Variants in SLC28A3 observed in about 807,000 individuals in gnomAD.
SLC28A3 encodes solute carrier family 28 member 3, also known as concentrative Na(+)-nucleoside cotransporter 3.
In SLC28A3, 68 loss-of-function variants were observed where a neutral mutation model predicts 84.2. The observed-to-expected ratio is 0.81, with a 90% confidence interval of 0.66 to 0.99. The LOEUF (loss-of-function observed/expected upper bound fraction) is 0.99. Ranked by LOEUF, SLC28A3 falls within the 50% of genes least tolerant of loss-of-function variation. The pLI is 0.00. For synonymous variants in SLC28A3, 267 were observed against 303.6 expected (o/e 0.88, Z 1.25); for missense variants, 712 against 841.5 (o/e 0.85, Z 1.90).
At chr9:84,348,776 C>T in the SLC28A3 span, among the ~76,000 whole-genome samples, 2 of 152,316 alleles carry the variant, frequency 1.3e-5, no homozygotes, top group African/African-American at 2.4e-5. Context: ...TGAGTTTCTC[C>T]TGAATTTCTG....
At chr9:84,307,318 C>T (rs901032549) in intron 3 of SLC28A3, among the ~76,000 whole-genome samples, 1 of 151,170 alleles carries the variant, frequency 6.6e-6, no homozygotes, top group Non-Finnish European at 1.5e-5. Context: ...GTAATCCCAG[C>T]TACTCGGGAG....
intron 8 of SLC28A3, among the ~76,000 whole-genome samples, chr9:84,295,776 C>T (rs1825392209): frequency 6.6e-6 from 1 of 152,150 alleles, no homozygotes; most frequent in African/African-American, 2.4e-5. Context: ...TGTACCCCCT[C>T]CCTACTGTTC....
intron 10 of SLC28A3, among the ~76,000 whole-genome samples, chr9:84,292,025 C>T (rs1825243333): frequency 6.6e-6 from 1 of 152,142 alleles, no homozygotes; most frequent in Admixed American, 6.5e-5. Context: ...AGTCTAAAAG[C>T]TTATTTTTGA....
intron 3 of SLC28A3, 98 bp from the exon 4 acceptor site, chr9:84,305,443 C>A: frequency 1.1e-6 from 1 of 937,618 alleles, no homozygotes; most frequent in Non-Finnish European, 1.7e-6. Context: ...ACTAAGAAGG[C>A]AAACAAACAC....
intron 14 of SLC28A3, among the ~76,000 whole-genome samples, chr9:84,283,408 T>A (rs1179959116): frequency 6.6e-6 from 1 of 152,222 alleles, no homozygotes; most frequent in Non-Finnish European, 1.5e-5. Flanking sequence ...CTGGTTAAGA[T>A]GAATTACGGT....
In SLC28A3 at chr9:84,299,595, T is replaced by C; in HGVS notation, c.655A>G (p.Lys219Glu). 1 of 1,613,720 alleles carries C rather than the reference T, an allele frequency of 6.2e-7. No homozygotes were observed. The highest frequency in any genetic ancestry group is 8.5e-7 in the Non-Finnish European group (1 of 1,179,906). Residue 219 changes from lysine (K) to glutamate (E), a missense_variant, in exon 6 of 18, where the codon AAG becomes GAG. Transcript: ENST00000376238. The stretch of plus-strand genomic sequence containing the variant: ...TGGATACTTACTCTGGTTGGGTACT[T>C]GGAAAATAGAAATAACAGGACAATG... Reference protein sequence around the residue: ...MYIVLLFLFSKYPTRVYWRPV... With the variant: ...MYIVLLFLFSEYPTRVYWRPV...
At chr9:84,307,335 G>T (rs1354173260) in intron 3 of SLC28A3, among the ~76,000 whole-genome samples, 1 of 151,190 alleles carries the variant, frequency 6.6e-6, no homozygotes, top group Non-Finnish European at 1.5e-5. Flanking sequence ...GGAGGCTAAG[G>T]CAGGAGAATC....
intron 1 of SLC28A3, among the ~76,000 whole-genome samples, chr9:84,319,627 C>A (rs1022126640): frequency 1.3e-5 from 2 of 152,166 alleles, no homozygotes; most frequent in African/African-American, 4.8e-5. Flanking sequence ...GCTTTTGATA[C>A]TTGTGTTGAT....
intron 8 of SLC28A3, among the ~76,000 whole-genome samples, chr9:84,295,475 C>G (rs1445571319): frequency 1.3e-5 from 2 of 152,096 alleles, no homozygotes; most frequent in African/African-American, 4.8e-5. Flanking sequence ...ATCCCAACTA[C>G]TGGGGAGGCT....
chr9:84,311,247 C>A (rs1825978040), intron 2 of SLC28A3, among the ~76,000 whole-genome samples: 3 of 152,048 alleles, frequency 2.0e-5, no homozygotes. Flanking sequence ...TGAAAAATAT[C>A]TAAATTTTTG....
At chr9:84,280,110 T>C in intron 15 of SLC28A3, 37 bp from the exon 16 acceptor site, 1 of 1,591,732 alleles carries the variant, frequency 6.3e-7, no homozygotes, top group Non-Finnish European at 8.6e-7. Flanking sequence ...AGATCAATGT[T>C]GAAGTACTGA....
the SLC28A3 span, among the ~76,000 whole-genome samples, chr9:84,353,438 A>G: frequency 6.6e-6 from 1 of 152,170 alleles, no homozygotes; most frequent in African/African-American, 2.4e-5. Context: ...GGCTGGGCAC[A>G]CTGGCTCACT....
In SLC28A3 at chr9:84,283,725, CTT is replaced by C. The variant is rs949075553; in HGVS notation, c.1647+1618_1647+1619del. Among the ~76,000 whole-genome samples the C allele has an allele frequency of 4.6e-5, 7 of 152,312 alleles. No individual in the cohort carries two copies. The Middle Eastern group carries it at 0.014, about 296-fold the overall frequency. ...ATGGGGGCTGCATAGTACTCTCCCT[CTT>C]ATCTCAGATGGAGGTTGGCATGGGC... On this transcript the variant is annotated intron_variant, in intron 14 of 17. Coordinates refer to ENST00000376238, the MANE Select transcript of SLC28A3 (RefSeq NM_001199633.2).
intron 1 of SLC28A3, among the ~76,000 whole-genome samples, chr9:84,329,768 G>A (rs1373398713): frequency 6.6e-6 from 1 of 152,050 alleles, no homozygotes; most frequent in Non-Finnish European, 1.5e-5. Context: ...GCACAGTGAT[G>A]CATGCCTGTA....
intron 1 of SLC28A3, among the ~76,000 whole-genome samples, chr9:84,338,793 G>C (rs1368340179): frequency 6.6e-6 from 1 of 152,030 alleles, no homozygotes; most frequent in Non-Finnish European, 1.5e-5. Flanking sequence ...CCCTCACTTA[G>C]CCCTTAGAGA....
rs200370836 is a variant in SLC28A3, at chr9:84,297,289, C to A, written c.793G>T (p.Glu265Ter). ...AATGAAGCACCAGCATCTGTGTACT[C>A]CAGAAAAGTCTGAGTTAAAGAAAGA... The part of the protein sequence containing the change: ...WLGRQVQTFL[E>*]YTDAGASFVF... The change falls in exon 8 of 18, where the codon GAG becomes TAG. Residue 265 changes from glutamate (E) to a stop codon, truncating the protein, a stop_gained. Coordinates refer to ENST00000376238, the MANE Select transcript of SLC28A3 (RefSeq NM_001199633.2). LOFTEE classifies it high-confidence loss of function. 2 of 1,612,318 alleles carry A rather than the reference C, an allele frequency of 1.2e-6. No individual in the cohort carries two copies. The highest frequency in any genetic ancestry group is 2.2e-5 in the East Asian group (1 of 44,850).
upstream of SLC28A3, among the ~76,000 whole-genome samples, chr9:84,341,036 C>G (rs1827146463): frequency 6.6e-6 from 1 of 150,438 alleles, no homozygotes; most frequent in Non-Finnish European, 1.5e-5. Flanking sequence ...TGCAGTGACG[C>G]AATCTCGGTT....
At chr9:84,335,771 T>G (rs1826953814) in intron 1 of SLC28A3, among the ~76,000 whole-genome samples, 3 of 151,794 alleles carry the variant, frequency 2.0e-5, no homozygotes, top group Non-Finnish European at 4.4e-5. Context: ...ACATATATAA[T>G]ATTAGCTTAT....
chr9:84,287,167 A>G (rs1825023773), intron 12 of SLC28A3, among the ~76,000 whole-genome samples: 1 of 151,932 alleles, frequency 6.6e-6, no homozygotes, highest in African/African-American at 2.4e-5. Context: ...AAAACAAACA[A>G]ACAAACAAAC....
Sources: allele counts gnomAD v4.1 joint callset (sites outside exome capture counted in the v4.1 genomes callset), GRCh38; gene constraint gnomAD v4.1.1; transcripts MANE v1.5; gene names NCBI Gene and HGNC (gene_info 2026-07-23, HGNC 2026-07-21).